WWP1: variants seen among roughly 807,000 people sequenced by gnomAD.
The protein encoded by WWP1 is WW domain containing E3 ubiquitin protein ligase 1, also known as NEDD4-like E3 ubiquitin-protein ligase WWP1.
Under a neutral mutation model 130.6 loss-of-function variants are expected in WWP1, and 49 were observed. The observed-to-expected ratio is 0.38, with a 90% confidence interval of 0.30 to 0.48. The LOEUF is 0.48. Among genes scored for constraint, WWP1 ranks in the 20% least tolerant of loss-of-function variants. The pLI, the probability that WWP1 is intolerant of heterozygous loss-of-function variation, is 0.99. For synonymous variants in WWP1, 332 were observed against 367.8 expected (o/e 0.90, Z 1.11); for missense variants, 809 against 1,100.6 (o/e 0.74, Z 3.75).
intron 7 of WWP1, among the ~76,000 whole-genome samples, chr8:86,399,325 T>G (rs7006017): frequency 0.38 from 58,306 of 151,992 alleles, 11,851 homozygotes; most frequent in Middle Eastern, 0.49. Flanking sequence ...TCAGACATCA[T>G]TCTACCATTT....
Position 86,411,618 on chromosome 8 carries a change from T to C in WWP1, c.805T>C (p.Leu269=), listed in dbSNP as rs1395042638. 3 of 1,614,068 alleles carry C rather than the reference T, an allele frequency of 1.9e-6. No individual in the cohort carries two copies. The highest frequency in any genetic ancestry group is 2.5e-6 in the Non-Finnish European group (3 of 1,180,018). The change falls in exon 9 of 25, where the codon TTG becomes CTG. Residue 269 remains leucine (L), a synonymous_variant. Transcript: ENST00000517970. ...TCCAGTAGTGTCTGAAGAAAATGCC[T>C]TGTCTCCAAATTGCACTAGTACTAC... ...GTPVVSEENA[L]SPNCTSTTVE...
intron 21 of WWP1, among the ~76,000 whole-genome samples, chr8:86,453,087 T>A (rs182383661): frequency 2.0e-5 from 3 of 152,292 alleles, no homozygotes; most frequent in African/African-American, 7.2e-5. Context: ...ATATACCATC[T>A]TAACTATTTT....
intron 8 of WWP1, among the ~76,000 whole-genome samples, chr8:86,410,966 C>T (rs182761982): frequency 1.7e-3 from 256 of 152,144 alleles, no homozygotes; most frequent in Middle Eastern, 6.8e-3. Context: ...TATAGTGACA[C>T]GTAGTCGAAC....
At position 86,374,203 on chromosome 8, in the gene WWP1, A is replaced by G. The variant is rs913800471; in HGVS notation, c.70+83A>G. 2.9e-5 allele frequency: 35 copies of G among 1,186,848 alleles called. No individual in the cohort carries two copies. The Admixed American group carries it at 4.8e-4, about 16-fold the overall frequency. 73.5% of individuals were successfully genotyped at this position (1,186,848 alleles called of 1,614,324 possible). On this transcript the variant is annotated intron_variant, in intron 3 of 24. Coordinates refer to ENST00000517970, the MANE Select transcript of WWP1 (RefSeq NM_007013.4). Reference sequence around the variant, plus strand: ...CTAATTCAGCAGACTTATTCCAGAAATAGAATTTCTTTTAGATTCATACTA... The same window carrying G: ...CTAATTCAGCAGACTTATTCCAGAAGTAGAATTTCTTTTAGATTCATACTA...
intron 1 of WWP1, among the ~76,000 whole-genome samples, chr8:86,357,649 G>A (rs1250979624): frequency 1.3e-5 from 2 of 152,186 alleles, no homozygotes; most frequent in Admixed American, 1.3e-4. Context: ...GATAAATAAA[G>A]CTGTTTTGAT....
intron 5 of WWP1, among the ~76,000 whole-genome samples, chr8:86,396,488 A>G (rs1262044097): frequency 1.3e-5 from 2 of 150,136 alleles, no homozygotes; most frequent in Non-Finnish European, 3.0e-5. Flanking sequence ...TTTTTGATGT[A>G]AAGTAGAAAT....
At chr8:86,352,370 G>T (rs552560999) in intron 1 of WWP1, among the ~76,000 whole-genome samples, 1 of 151,986 alleles carries the variant, frequency 6.6e-6, no homozygotes. Context: ...GATTACAGGT[G>T]CATGCCACCA....
intron 5 of WWP1, among the ~76,000 whole-genome samples, chr8:86,398,031 G>A (rs143350294): frequency 1.5e-3 from 234 of 152,274 alleles, no homozygotes; most frequent in African/African-American, 5.5e-3. Context: ...CAGAAATTTT[G>A]CCTCAACCAC....
chr8:86,401,177 G>C (rs2130502726), intron 7 of WWP1, among the ~76,000 whole-genome samples: 1 of 151,848 alleles, frequency 6.6e-6, no homozygotes, highest in South Asian at 2.1e-4. Flanking sequence ...TGATCATCCT[G>C]TAGTCATGAT....
chr8:86,448,868 C>G (rs1190927616), intron 20 of WWP1, among the ~76,000 whole-genome samples: 1 of 152,148 alleles, frequency 6.6e-6, no homozygotes, highest in Non-Finnish European at 1.5e-5. Flanking sequence ...GAGAGTTTCA[C>G]TCTGTCGCTC....
chr8:86,365,721 G>T (rs1244290588), intron 1 of WWP1, among the ~76,000 whole-genome samples: 1 of 152,178 alleles, frequency 6.6e-6, no homozygotes, highest in Non-Finnish European at 1.5e-5. Flanking sequence ...CCAGCACTTT[G>T]GGAGGCCCAG....
At chr8:86,419,732 T>G (rs1188694321) in intron 9 of WWP1, among the ~76,000 whole-genome samples, 1 of 149,344 alleles carries the variant, frequency 6.7e-6, no homozygotes, top group Non-Finnish European at 1.5e-5. Flanking sequence ...TTGAAAAGAC[T>G]CACTAAAAAT....
rs1393435626 is a variant in WWP1, at chr8:86,398,616, C to G, written c.517C>G (p.Pro173Ala). 3.7e-6 allele frequency: 6 copies of G among 1,612,332 alleles called. No homozygotes were observed. The highest frequency in any genetic ancestry group is 2.2e-5 in the East Asian group (1 of 44,824). ...NGDALHENGE[P>A]SARTTARLAV... ...TGATGCCTTACATGAAAATGGAGAG[C>G]CTTCAGCAAGGACAACTGCCAGGTA... Residue 173 changes from proline (P) to alanine (A), a missense_variant, in exon 7 of 25, where the codon CCT (proline) becomes GCT (alanine). By Grantham distance (27) the Pro-to-Ala change is conservative. Transcript: ENST00000517970.
intron 1 of WWP1, among the ~76,000 whole-genome samples, chr8:86,354,448 T>C (rs1273262824): frequency 6.6e-6 from 1 of 152,172 alleles, no homozygotes; most frequent in Admixed American, 6.5e-5. Flanking sequence ...AGTTTTTTTT[T>C]TAGCTTTTTG....
At chr8:86,343,091 C>A (rs896469081) in intron 1 of WWP1, 161 bp downstream of exon 1, 1 of 273,542 alleles carries the variant, frequency 3.7e-6, no homozygotes, top group African/African-American at 2.2e-5. Flanking sequence ...CCTTGGCTAC[C>A]TTCTCCAGCC....
chr8:86,429,414 G>T (rs1317918188), intron 11 of WWP1, among the ~76,000 whole-genome samples: 3 of 151,936 alleles, frequency 2.0e-5, no homozygotes, highest in African/African-American at 7.3e-5. Flanking sequence ...AATTAACTGG[G>T]TCTGTTACAA....
chr8:86,399,300 C>T (rs192318707), intron 7 of WWP1, among the ~76,000 whole-genome samples: 1 of 152,144 alleles, frequency 6.6e-6, no homozygotes. Context: ...CTTCAGACAT[C>T]ATTGTGGCCT....
At chr8:86,344,739 A>G (rs1822467530) in intron 1 of WWP1, among the ~76,000 whole-genome samples, 1 of 151,108 alleles carries the variant, frequency 6.6e-6, no homozygotes, top group Non-Finnish European at 1.5e-5. Context: ...TAGGCAGGAA[A>G]GGTAATCCTA....
At chr8:86,401,784 G>A (rs1362222275) in intron 7 of WWP1, among the ~76,000 whole-genome samples, 8 of 151,944 alleles carry the variant, frequency 5.3e-5, no homozygotes, top group Non-Finnish European at 1.2e-4. Flanking sequence ...ACTTAGAACT[G>A]AAAAGTAATT....
Sources: allele counts gnomAD v4.1 joint callset (sites outside exome capture counted in the v4.1 genomes callset), GRCh38; gene constraint gnomAD v4.1.1; transcripts MANE v1.5; gene names NCBI Gene and HGNC (gene_info 2026-07-23, HGNC 2026-07-21).